SLF2: variants seen among roughly 807,000 people sequenced by gnomAD.
The protein encoded by SLF2 is SMC5-SMC6 complex localization factor protein 2.
Under a neutral mutation model 124.3 loss-of-function variants are expected in SLF2, and 68 were observed. The observed-to-expected ratio is 0.55, with a 90% confidence interval of 0.45 to 0.67. The LOEUF is 0.67. SLF2 is among the 30% of genes least tolerant of loss of function. The pLI is 0.00. For missense variants in SLF2, 1,246 were observed against 1,373.7 expected, an observed-to-expected ratio of 0.91 and a Z score of 1.47; for synonymous variants, 480 against 478.8, an observed-to-expected ratio of 1.00 and a Z score of -0.03.
At chr10:100,936,267 T>C (rs1278543201) in intron 9 of SLF2, among the ~76,000 whole-genome samples, 1 of 152,022 alleles carries the variant, frequency 6.6e-6, no homozygotes, top group East Asian at 1.9e-4. Context: ...ACTAGGGTAT[T>C]ATCGATATTC....
intron 17 of SLF2, among the ~76,000 whole-genome samples, chr10:100,954,433 A>C (rs1850286357): frequency 6.6e-6 from 1 of 152,234 alleles, no homozygotes; most frequent in Admixed American, 6.5e-5. Flanking sequence ...AATTCCTAGA[A>C]GTAGAATTGT....
Position 100,950,098 on chromosome 10 carries a change from T to C in SLF2, c.3143T>C (p.Leu1048Pro). 6.2e-7 allele frequency: 1 copy of C among 1,613,392 alleles called. No homozygotes were observed. The highest frequency in any genetic ancestry group is 8.5e-7 in the Non-Finnish European group (1 of 1,179,664). The change falls in exon 16 of 20, where the codon CTT (leucine) becomes CCT (proline). Residue 1048 changes from leucine (L) to proline (P), a missense_variant. Transcript: ENST00000238961. ...NLQVSVLHRY[L>P]VQMKPSDLLK... ...TAGGTATCAGTCCTACATCGCTATC[T>C]TGTGCAGATGAAGCCTTCTGATTTG...
intron 5 of SLF2, among the ~76,000 whole-genome samples, 189 bp downstream of exon 5, chr10:100,925,161 G>T (rs1171559906): frequency 6.6e-6 from 1 of 152,066 alleles, no homozygotes; most frequent in Non-Finnish European, 1.5e-5. Flanking sequence ...TAAGTCAGTG[G>T]TCTCCAAACT....
At chr10:100,949,078 C>G (rs952683704) in intron 15 of SLF2, among the ~76,000 whole-genome samples, 2 of 152,120 alleles carry the variant, frequency 1.3e-5, no homozygotes, top group African/African-American at 4.8e-5. Flanking sequence ...GTGGTAAGAA[C>G]AGTAATCGAA....
intron 9 of SLF2, among the ~76,000 whole-genome samples, 155 bp from the exon 10 acceptor site, chr10:100,937,247 G>A (rs1849881518): frequency 6.6e-6 from 1 of 152,108 alleles, no homozygotes; most frequent in African/African-American, 2.4e-5. Context: ...CTAAGCTCAA[G>A]GTATCCGCCC....
At position 100,916,030 on chromosome 10, in the gene SLF2, G is replaced by A; in HGVS notation, c.172G>A (p.Ala58Thr). The A allele has an allele frequency of 6.2e-7, 1 of 1,612,044 alleles. No individual in the cohort carries two copies. Residue 58 changes from alanine (A) to threonine (T), a missense_variant, in exon 2 of 20, where the codon GCT becomes ACT. Coordinates refer to ENST00000238961, the MANE Select transcript of SLF2 (RefSeq NM_018121.4). ...GTCAATTATAGATTTCTTCAAACCA[G>A]CTTCAAAACAAGGTATGTACACTGT... ...KQSIIDFFKP[A>T]SKQDRHMLDS...
chr10:100,913,408 G>T, intron 1 of SLF2, 158 bp downstream of exon 1: 5 of 1,353,226 alleles, frequency 3.7e-6, no homozygotes, highest in Non-Finnish European at 4.7e-6. Context: ...CCGCGCAGGG[G>T]CTACTGGGAG....
At chr10:100,920,816 G>T (rs944956155) in intron 4 of SLF2, among the ~76,000 whole-genome samples, 5 of 152,142 alleles carry the variant, frequency 3.3e-5, no homozygotes, top group Non-Finnish European at 7.3e-5. Context: ...TGGGCATGGT[G>T]CCCAAGCCTG....
At chr10:100,960,082 A>G (rs1162321385) in intron 19 of SLF2, among the ~76,000 whole-genome samples, 1 of 152,240 alleles carries the variant, frequency 6.6e-6, no homozygotes, top group Non-Finnish European at 1.5e-5. Flanking sequence ...TTCAGTTAAT[A>G]TAATAATAAG....
chr10:100,937,583 A>G, intron 10 of SLF2, 106 bp downstream of exon 10: 2 of 781,852 alleles, frequency 2.6e-6, no homozygotes, highest in South Asian at 3.3e-5. Flanking sequence ...TATACAATAC[A>G]AAATTATTTT....
At chr10:100,913,600 C>G (rs1849363817) in intron 1 of SLF2, 3 of 1,156,038 alleles carry the variant, frequency 2.6e-6, no homozygotes, top group Middle Eastern at 3.5e-4. Context: ...GTCAGTTCTA[C>G]TGATCCTAGT....
chr10:100,937,524 C>A, intron 10 of SLF2, 47 bp downstream of exon 10: 1 of 1,079,422 alleles, frequency 9.3e-7, no homozygotes, highest in Non-Finnish European at 1.4e-6. Flanking sequence ...TTATTGGTTG[C>A]TATTTACATG....
Position 100,913,196 on chromosome 10 carries a change from C to T in SLF2, c.86C>T (p.Pro29Leu). The T allele has an allele frequency of 4.3e-6, 7 of 1,612,814 alleles. No individual in the cohort carries two copies. Among genetic ancestry groups the T allele is most frequent in the Non-Finnish European group, 5.9e-6 (7 of 1,179,520 alleles). ...GSSPPRCHLR[P>L]GSTAHAAAGK... The stretch of plus-strand genomic sequence containing the variant: ...TCGCCCCCGCGCTGCCATCTGAGAC[C>T]CGGTAGTACCGCCCATGCTGCAGCG... The change falls in exon 1 of 20, where the codon CCC becomes CTC. Residue 29 changes from proline to leucine, a missense_variant. This residue lies in a region of SLF2 where 698 missense variants were observed against 708.9 expected (regional missense o/e 0.98). Transcript: ENST00000238961.
At chr10:100,961,144 G>GGATT (rs1271265567) in intron 19 of SLF2, among the ~76,000 whole-genome samples, 1 of 151,156 alleles carries the variant, frequency 6.6e-6, no homozygotes, top group Admixed American at 6.6e-5. Context: ...TCAGTAGCTG[G>GGATT]GATTACAGGC....
chr10:100,937,860 T>A (rs1849896400), intron 10 of SLF2, among the ~76,000 whole-genome samples: 1 of 152,204 alleles, frequency 6.6e-6, no homozygotes, highest in South Asian at 2.1e-4. Flanking sequence ...TTTACCCATC[T>A]TGGCCTCCCA....
intron 17 of SLF2, among the ~76,000 whole-genome samples, chr10:100,951,120 G>A (rs527307491): frequency 6.6e-6 from 1 of 152,300 alleles, no homozygotes; most frequent in South Asian, 2.1e-4. Flanking sequence ...GCAGGTGCCT[G>A]TAATCCCAGC....
chr10:100,958,864 A>G (rs1222567330), intron 18 of SLF2, among the ~76,000 whole-genome samples: 1 of 152,238 alleles, frequency 6.6e-6, no homozygotes, highest in East Asian at 1.9e-4. Context: ...TTGTGCACAG[A>G]CACTTGCTAA....
At chr10:100,947,324 ATGTAAT>A (rs1850123626) in intron 14 of SLF2, among the ~76,000 whole-genome samples, 188 bp downstream of exon 14, 1 of 151,694 alleles carries the variant, frequency 6.6e-6, no homozygotes, top group East Asian at 1.9e-4. Context: ...TCAGGTCATT[ATGTAAT>A]TTTTTTTTTT....
At chr10:100,947,971 C>G (rs1850137167) in intron 15 of SLF2, 124 bp downstream of exon 15, 1 of 602,234 alleles carries the variant, frequency 1.7e-6, no homozygotes, top group African/African-American at 1.8e-5. Context: ...TGATACTGTT[C>G]ATGTAATCTC....
Sources: allele counts gnomAD v4.1 joint callset (sites outside exome capture counted in the v4.1 genomes callset), GRCh38; gene constraint gnomAD v4.1.1; regional missense constraint gnomAD v4.1.1; transcripts MANE v1.5; gene names NCBI Gene and HGNC (gene_info 2026-07-23, HGNC 2026-07-21).